The following ARL13B variants were observed in gnomAD, a reference collection of about 807,000 sequenced individuals.
The protein encoded by ARL13B is ARF like GTPase 13B, also known as ADP-ribosylation factor-like protein 13B.
ARL13B carries 36 observed loss-of-function variants against 56.1 expected under a neutral mutation model. The observed-to-expected ratio is 0.64, with a 90% CI of 0.49 to 0.85. The LOEUF (loss-of-function observed/expected upper bound fraction) is 0.85. ARL13B is among the 40% of genes least tolerant of loss of function. The probability of loss-of-function intolerance (pLI) is 0.00; values close to 1 mark genes in which losing one functional copy is unlikely to be tolerated. For synonymous variants in ARL13B, 178 were observed against 171.1 expected, an observed-to-expected ratio of 1.04 and a Z score of -0.32; for missense variants, 519 against 507.1, an observed-to-expected ratio of 1.02 and a Z score of -0.23.
At chr3:94,049,139 C>G (rs999318495) in intron 7 of ARL13B, among the ~76,000 whole-genome samples, 1 of 151,922 alleles carries the variant, frequency 6.6e-6, no homozygotes, top group Non-Finnish European at 1.5e-5. Flanking sequence ...TTTTTGTATT[C>G]TGAAAAACCT....
chr3:94,006,023 G>A (rs946179172), intron 3 of ARL13B, among the ~76,000 whole-genome samples: 16 of 152,086 alleles, frequency 1.1e-4, no homozygotes, highest in Non-Finnish European at 2.2e-4. Context: ...ATTTTGAGCC[G>A]GGCACGGTGG....
chr3:93,984,363 A>G (rs1349021146), intron 1 of ARL13B, among the ~76,000 whole-genome samples: 2 of 152,132 alleles, frequency 1.3e-5, no homozygotes, highest in African/African-American at 2.4e-5. Flanking sequence ...TCTAAAAAAA[A>G]AAAAATTAAA....
At chr3:93,988,900 T>TCTTG in intron 1 of ARL13B, 1 of 320,158 alleles carries the variant, frequency 3.1e-6, no homozygotes, top group Non-Finnish European at 6.3e-6. Context: ...CCTCTTGGGC[T>TCTTG]CTTGCTTCGC....
chr3:94,025,387 C>CTA (rs904657185), intron 3 of ARL13B, among the ~76,000 whole-genome samples: 2 of 152,068 alleles, frequency 1.3e-5, no homozygotes, highest in Non-Finnish European at 2.9e-5. Flanking sequence ...TTAAAGTGAG[C>CTA]TATAAAGGTT....
At chr3:94,040,019 T>C in intron 6 of ARL13B, 31 bp downstream of exon 6, 2 of 1,591,062 alleles carry the variant, frequency 1.3e-6, no homozygotes, top group Non-Finnish European at 1.7e-6. Flanking sequence ...AATTTTTGTA[T>C]CTTAAGTTAT....
rs1210772731 is a variant in ARL13B at position 94,053,721 on chromosome 3, T to A, written c.*458T>A. On this transcript the variant is annotated 3_prime_UTR_variant, in exon 10 of 10. Coordinates refer to ENST00000394222, the MANE Select transcript of ARL13B (RefSeq NM_001174150.2). Reference sequence around the variant, plus strand: ...TTTTAAAACTATTTTTATATTTTTTTAAATCTTTAAAAATTTTAATTACTG... The same window carrying A: ...TTTTAAAACTATTTTTATATTTTTTAAAATCTTTAAAAATTTTAATTACTG... 1.6e-5 allele frequency: 5 copies of A among 307,798 alleles called. 1 individual carries two copies. The highest frequency in any genetic ancestry group is 8.8e-5 in the South Asian group (3 of 34,162). The allele number at this position is 307,798 out of a possible 1,614,324, so 19.1% of individuals were successfully genotyped here. A position where few individuals can be genotyped will look rare whatever the true frequency, so the allele number is the denominator to read the frequency against.
At chr3:94,045,986 T>C (rs2076977756) in intron 7 of ARL13B, among the ~76,000 whole-genome samples, 1 of 144,974 alleles carries the variant, frequency 6.9e-6, no homozygotes, top group Non-Finnish European at 1.5e-5. Context: ...AAAGACATAC[T>C]ATAAAATAAA....
intron 3 of ARL13B, among the ~76,000 whole-genome samples, chr3:94,004,356 T>C (rs893260000): frequency 6.6e-6 from 1 of 152,188 alleles, no homozygotes; most frequent in African/African-American, 2.4e-5. Flanking sequence ...CACATCTACA[T>C]TTCCATATTG....
chr3:93,981,198 A>G (rs1710198540), intron 1 of ARL13B, among the ~76,000 whole-genome samples: 2 of 152,236 alleles, frequency 1.3e-5, no homozygotes, highest in Admixed American at 1.3e-4. Context: ...AAAAATATTT[A>G]TTAAGACAAT....
intron 5 of ARL13B, among the ~76,000 whole-genome samples, chr3:94,037,867 A>C (rs2076795725): frequency 6.6e-6 from 1 of 152,100 alleles, no homozygotes; most frequent in Non-Finnish European, 1.5e-5. Context: ...GATATTCTAG[A>C]TCATGTTATG....
intron 2 of ARL13B, among the ~76,000 whole-genome samples, chr3:93,998,029 C>A (rs138106832): frequency 6.6e-6 from 1 of 152,120 alleles, no homozygotes; most frequent in Non-Finnish European, 1.5e-5. Context: ...TGGCCAAGCT[C>A]CACTGAAAAT....
intron 7 of ARL13B, 29 bp downstream of exon 7, chr3:94,043,269 A>G (rs754350351): frequency 1.9e-6 from 3 of 1,552,794 alleles, no homozygotes; most frequent in South Asian, 2.3e-5. Context: ...TAAAGTAATT[A>G]TCTTATGTAT....
chr3:94,034,028 A>G (rs1187878470), intron 3 of ARL13B, among the ~76,000 whole-genome samples: 1 of 152,196 alleles, frequency 6.6e-6, no homozygotes, highest in Non-Finnish European at 1.5e-5. Flanking sequence ...AGTAACGTAT[A>G]TTGGACCTGA....
Position 94,036,731 on chromosome 3 carries a change from A to C in ARL13B, c.666A>C (p.Arg222=). 1.2e-6 allele frequency: 2 copies of C among 1,612,964 alleles called. No individual in the cohort carries two copies. The highest frequency in any genetic ancestry group is 2.2e-5 in the East Asian group (1 of 44,782). ...AAGAGAAACAAGAAAGAGCTGAACGAGTGCGAAAATTACGAGAAGAAAGGT... is the reference window on the plus strand; with the variant it reads ...AAGAGAAACAAGAAAGAGCTGAACGCGTGCGAAAATTACGAGAAGAAAGGT... ...EEQEKQERAE[R]VRKLREERKQ... Residue 222 remains arginine (R), a synonymous_variant, in exon 5 of 10, where the codon CGA becomes CGC. Coordinates refer to ENST00000394222, the MANE Select transcript of ARL13B (RefSeq NM_001174150.2).
intron 1 of ARL13B, among the ~76,000 whole-genome samples, chr3:93,991,551 A>G (rs2075875291): frequency 6.6e-6 from 1 of 152,090 alleles, no homozygotes; most frequent in Admixed American, 6.6e-5. Context: ...ATTTTTTAAA[A>G]AAGTTGTTGT....
chr3:94,047,622 A>C (rs1327838411), intron 7 of ARL13B, among the ~76,000 whole-genome samples: 2 of 152,196 alleles, frequency 1.3e-5, no homozygotes, highest in Non-Finnish European at 2.9e-5. Context: ...TAAATGAAGA[A>C]ACCAGGGACT....
chr3:94,033,987 A>G lies in ARL13B; in HGVS notation c.381-1344A>G, dbSNP rs539359296. Among the ~76,000 whole-genome samples the G allele has an allele frequency of 7.2e-5, 11 of 152,282 alleles. No individual in the cohort carries two copies. In the South Asian group the frequency reaches 1.9e-3, roughly 26 times the overall value. Reference sequence around the variant, plus strand: ...GGGGGTGGTAGTGGGGAGGGCAGGTATAATATAGATTCAAAAAGAGTTAAG... The same window carrying G: ...GGGGGTGGTAGTGGGGAGGGCAGGTGTAATATAGATTCAAAAAGAGTTAAG... On this transcript the variant is annotated intron_variant, in intron 3 of 9. Coordinates refer to ENST00000394222, the MANE Select transcript of ARL13B (RefSeq NM_001174150.2).
chr3:93,990,704 G>A (rs2075859856), intron 1 of ARL13B, among the ~76,000 whole-genome samples: 1 of 152,084 alleles, frequency 6.6e-6, no homozygotes, highest in African/African-American at 2.4e-5. Context: ...CTACATTGTT[G>A]TATTGAGTTG....
At chr3:94,051,276 A>G (rs1171518774) in intron 9 of ARL13B, among the ~76,000 whole-genome samples, 1 of 152,114 alleles carries the variant, frequency 6.6e-6, no homozygotes. Context: ...ATACTCAATG[A>G]TAATGGCACA....
Sources: allele counts gnomAD v4.1 joint callset (sites outside exome capture counted in the v4.1 genomes callset), GRCh38; gene constraint gnomAD v4.1.1; transcripts MANE v1.5; gene names NCBI Gene and HGNC (gene_info 2026-07-23, HGNC 2026-07-21).